NTNG1: variants seen among roughly 807,000 people sequenced by gnomAD.
NTNG1 encodes the protein netrin-G1.
In NTNG1, 16 loss-of-function variants were observed where a neutral mutation model predicts 54.0. The ratio of observed to expected loss-of-function variants is 0.30; its 90% CI spans 0.20 to 0.45. The LOEUF (loss-of-function observed/expected upper bound fraction) is 0.45, where lower values mean the gene tolerates loss of function less well. Among genes scored for constraint, NTNG1 ranks in the 20% least tolerant of loss-of-function variants. The probability of loss-of-function intolerance (pLI) is 1.00; values close to 1 mark genes in which losing one functional copy is unlikely to be tolerated. For synonymous variants in NTNG1, 255 were observed against 263.1 expected, an observed-to-expected ratio of 0.97 and a Z score of 0.30; for missense variants, 530 against 678.7, an observed-to-expected ratio of 0.78 and a Z score of 2.43.
Position 107,148,543 on chromosome 1 carries a change from C to CAT in NTNG1, c.-49_-48dup. On this transcript the variant is annotated 5_prime_UTR_variant, in exon 2 of 8. Coordinates refer to ENST00000370068, the MANE Select transcript of NTNG1 (RefSeq NM_001113226.3). Reference sequence around the variant, plus strand: ...TGTAAACTAGACAAAGATCGCAGATCATAAAGCAAGCTCTGCTTTAGTTTC... The same window carrying CAT: ...TGTAAACTAGACAAAGATCGCAGATCATATAAAGCAAGCTCTGCTTTAGTTTC... 1 of 1,580,812 alleles carries CAT rather than the reference C, an allele frequency of 6.3e-7. No individual in the cohort carries two copies. The highest frequency in any genetic ancestry group is 1.1e-5 in the South Asian group (1 of 89,600).
chr1:107,205,029 T>C (rs2101324267), intron 2 of NTNG1, among the ~76,000 whole-genome samples: 1 of 152,246 alleles, frequency 6.6e-6, no homozygotes, highest in East Asian at 1.9e-4. Flanking sequence ...AGGAAATCTT[T>C]AGAGTGAGAA....
intron 3 of NTNG1, among the ~76,000 whole-genome samples, chr1:107,345,971 T>C (rs1189725030): frequency 1.3e-5 from 2 of 152,144 alleles, no homozygotes; most frequent in Non-Finnish European, 2.9e-5. Flanking sequence ...CAGGCCCTAA[T>C]GTATCAGAAA....
Position 107,367,489 on chromosome 1 carries a change from G to T in NTNG1, c.888-27665G>T, listed in dbSNP as rs530350479. Among the ~76,000 whole-genome samples the T allele has an allele frequency of 1.9e-4, 29 of 152,214 alleles. No individual in the cohort carries two copies. In the South Asian group the frequency reaches 5.8e-3, roughly 30 times the overall value. On this transcript the variant is annotated intron_variant, in intron 3 of 7. Coordinates refer to ENST00000370068, the MANE Select transcript of NTNG1 (RefSeq NM_001113226.3). ...ACTAAGATCAGATTTACCCTCAGGAGAAAGTTTTCCTGTGTGACTCTTAAA... is the reference window on the plus strand; with the variant it reads ...ACTAAGATCAGATTTACCCTCAGGATAAAGTTTTCCTGTGTGACTCTTAAA...
chr1:107,291,190 G>A (rs1357102385), intron 2 of NTNG1, among the ~76,000 whole-genome samples: 1 of 151,678 alleles, frequency 6.6e-6, no homozygotes, highest in South Asian at 2.1e-4. Context: ...AGACCTTTAT[G>A]ATGATCCATG....
chr1:107,162,644 C>T (rs1196515739), intron 2 of NTNG1, among the ~76,000 whole-genome samples: 1 of 152,092 alleles, frequency 6.6e-6, no homozygotes, highest in Non-Finnish European at 1.5e-5. Context: ...TTGACTAGAA[C>T]TTTACACAGG....
At chr1:107,372,717 G>C (rs1241129082) in intron 3 of NTNG1, among the ~76,000 whole-genome samples, 3 of 151,980 alleles carry the variant, frequency 2.0e-5, no homozygotes, top group Non-Finnish European at 4.4e-5. Flanking sequence ...CTATCTACTT[G>C]TTCTATCAAT....
rs1286397633 is a variant in NTNG1, at chr1:107,480,721, C to A, written c.1501C>A (p.Arg501=). 2 of 1,610,832 alleles carry A rather than the reference C, an allele frequency of 1.2e-6. No individual in the cohort carries two copies. Among genetic ancestry groups the A allele is most frequent in the East Asian group, 2.2e-5 (1 of 44,842 alleles). ...AYTGILCEKL[R]CEEAGSCGSD... ...CACGGGCATCCTCTGCGAGAAGCTG[C>A]GGTGCGAGGAGGCTGGCAGCTGCGG... is the stretch of plus-strand genomic sequence containing the variant. Residue 501 remains arginine (R), a synonymous_variant, in exon 8 of 8, where the codon CGG becomes AGG. Transcript: ENST00000370068.
At chr1:107,179,811 C>A (rs997183090) in intron 2 of NTNG1, among the ~76,000 whole-genome samples, 1 of 152,124 alleles carries the variant, frequency 6.6e-6, no homozygotes, top group Non-Finnish European at 1.5e-5. Flanking sequence ...GAGTTATCTC[C>A]ATTTCCCTTA....
intron 2 of NTNG1, among the ~76,000 whole-genome samples, chr1:107,273,088 C>G (rs1193778514): frequency 2.0e-5 from 3 of 152,146 alleles, no homozygotes; most frequent in Non-Finnish European, 4.4e-5. Context: ...TTTTTCCTCT[C>G]TATGAAGGCT....
At chr1:107,295,551 C>G (rs1033514788) in intron 2 of NTNG1, among the ~76,000 whole-genome samples, 1 of 152,060 alleles carries the variant, frequency 6.6e-6, no homozygotes, top group Admixed American at 6.6e-5. Context: ...TAGGTCCGGT[C>G]CCCTCTTCTT....
intron 5 of NTNG1, among the ~76,000 whole-genome samples, chr1:107,413,726 T>G (rs900358468): frequency 1.3e-5 from 2 of 152,104 alleles, no homozygotes; most frequent in African/African-American, 4.8e-5. Context: ...AAGCAACTCA[T>G]CCACCTCATC....
At chr1:107,407,639 T>C (rs891388706) in intron 4 of NTNG1, 43 bp from the exon 5 acceptor site, 2 of 1,512,990 alleles carry the variant, frequency 1.3e-6, no homozygotes, top group African/African-American at 2.8e-5. Flanking sequence ...TATGTACTAA[T>C]AAATAGCTAA....
chr1:107,259,389 T>A (rs1021136694), intron 2 of NTNG1, among the ~76,000 whole-genome samples: 34 of 152,098 alleles, frequency 2.2e-4, no homozygotes, highest in African/African-American at 8.2e-4. Flanking sequence ...CCTGAAAGGA[T>A]CACCAGTGTT....
chr1:107,433,597 C>T (rs1197922021), intron 6 of NTNG1, among the ~76,000 whole-genome samples: 1 of 152,086 alleles, frequency 6.6e-6, no homozygotes, highest in Non-Finnish European at 1.5e-5. Flanking sequence ...TGTTCCCTCA[C>T]CCACCATAAT....
intron 2 of NTNG1, among the ~76,000 whole-genome samples, chr1:107,235,117 A>G (rs1159995267): frequency 6.6e-6 from 1 of 152,204 alleles, no homozygotes; most frequent in South Asian, 2.1e-4. Flanking sequence ...CCAGGGTTAC[A>G]TAGCTGATAA....
chr1:107,189,092 C>G (rs1292644132), intron 2 of NTNG1, among the ~76,000 whole-genome samples: 1 of 151,962 alleles, frequency 6.6e-6, no homozygotes, highest in East Asian at 1.9e-4. Flanking sequence ...TGGCTCTCAC[C>G]TGTAATCCCA....
At chr1:107,253,947 TTAC>T (rs1371571926) in intron 2 of NTNG1, among the ~76,000 whole-genome samples, 2 of 152,260 alleles carry the variant, frequency 1.3e-5, no homozygotes, top group African/African-American at 4.8e-5. Flanking sequence ...ATTAGATTAA[TTAC>T]TATTCGGGAC....
intron 7 of NTNG1, among the ~76,000 whole-genome samples, chr1:107,464,046 T>C (rs1558018973): frequency 1.3e-5 from 2 of 152,214 alleles, no homozygotes; most frequent in Admixed American, 6.5e-5. Context: ...TATTCAAGTC[T>C]GATGTAATGA....
At chr1:107,320,451 T>C (rs1667588467) in intron 2 of NTNG1, among the ~76,000 whole-genome samples, 1 of 152,108 alleles carries the variant, frequency 6.6e-6, no homozygotes, top group Non-Finnish European at 1.5e-5. Flanking sequence ...TTGATGTTAT[T>C]AAAGAGGATT....
Sources: allele counts gnomAD v4.1 joint callset (sites outside exome capture counted in the v4.1 genomes callset), GRCh38; gene constraint gnomAD v4.1.1; transcripts MANE v1.5; gene names NCBI Gene and HGNC (gene_info 2026-07-23, HGNC 2026-07-21).